Variants in NFASC observed in about 807,000 individuals in gnomAD.
The protein encoded by NFASC is neurofascin homolog.
A neutral mutation model predicts 147.5 loss-of-function variants in NFASC; 43 were observed. The observed-to-expected ratio is 0.29, with a 90% CI of 0.23 to 0.38. NFASC has a LOEUF of 0.38. NFASC is among the 10% of genes least tolerant of loss of function. The pLI is 1.00. For missense variants in NFASC, 1,320 were observed against 1,689.0 expected, an observed-to-expected ratio of 0.78 and a Z score of 3.83; for synonymous variants, 622 against 665.5, an observed-to-expected ratio of 0.93 and a Z score of 1.01.
At position 205,015,438 on chromosome 1, in the gene NFASC, A is replaced by G. The variant is rs1225485801; in HGVS notation, c.3492-870A>G. Among the ~76,000 whole-genome samples, 1 of 152,176 alleles carries G rather than the reference A, an allele frequency of 6.6e-6. No homozygotes were observed. The highest frequency in any genetic ancestry group is 1.9e-4 in the East Asian group (1 of 5,174). On this transcript the variant is annotated intron_variant, in intron 29 of 29. Coordinates refer to ENST00000339876, the MANE Select transcript of NFASC (RefSeq NM_001005388.3). The surrounding 1 kb of genome is among the most constrained non-coding windows in gnomAD (Gnocchi z 4.0). The stretch of plus-strand genomic sequence containing the variant: ...CCAAGGGAAGGGACATGGTGCCTGA[A>G]CAGACGCTGGCTCAGAGAGCAGCCC...
At chr1:205,001,325 C>A in intron 26 of NFASC, 39 bp downstream of exon 26, 1 of 1,366,804 alleles carries the variant, frequency 7.3e-7, no homozygotes, top group Non-Finnish European at 1.0e-6. Flanking sequence ...GCGGCAGCGG[C>A]GTCGGCAGCA....
In NFASC at chr1:204,849,345, A is replaced by G. The variant is rs180679554; in HGVS notation, c.-200+20563A>G. On this transcript the variant is annotated intron_variant, in intron 1 of 29. Coordinates refer to ENST00000339876, the MANE Select transcript of NFASC (RefSeq NM_001005388.3). The stretch of plus-strand genomic sequence containing the variant: ...CCATCATCTCCTTATCCAGGCTGGG[A>G]TAGAAACTGTCAGAGCTTCAAGAGA... Among the ~76,000 whole-genome samples the G allele has an allele frequency of 4.4e-3, 670 of 152,308 alleles. 4 individuals carry two copies. The highest frequency in any genetic ancestry group is 5.7e-3 in the Non-Finnish European group (386 of 68,028).
At chr1:204,924,261 A>T (rs992267585) in intron 2 of NFASC, among the ~76,000 whole-genome samples, 1 of 152,026 alleles carries the variant, frequency 6.6e-6, no homozygotes, top group Non-Finnish European at 1.5e-5. Context: ...ATCCAGACTG[A>T]TGTCTGTATG....
rs147975909 is a variant in NFASC at position 204,859,175 on chromosome 1, G to A, written c.-200+30393G>A. On this transcript the variant is annotated intron_variant, in intron 1 of 29. Coordinates refer to ENST00000339876, the MANE Select transcript of NFASC (RefSeq NM_001005388.3). ...ATAATCTTAGTAGAGACGGGGTTTC[G>A]CCATGTTGGCCAGGCTGGTCTTGAA... Among the ~76,000 whole-genome samples the A allele has an allele frequency of 5.4e-3, 818 of 152,074 alleles. 13 individuals carry two copies. The highest frequency in any genetic ancestry group is 0.019 in the African/African-American group (776 of 41,490).
At chr1:204,847,789 A>G (rs2075308408) in intron 1 of NFASC, among the ~76,000 whole-genome samples, 1 of 152,078 alleles carries the variant, frequency 6.6e-6, no homozygotes, top group Non-Finnish European at 1.5e-5. Flanking sequence ...AGGCCACTTT[A>G]TATTTTACTT....
intron 1 of NFASC, among the ~76,000 whole-genome samples, chr1:204,889,330 C>G (rs2081945776): frequency 1.3e-5 from 2 of 152,200 alleles, no homozygotes; most frequent in African/African-American, 4.8e-5. Flanking sequence ...TCCCAACTTT[C>G]CCAGGATCAG....
intron 20 of NFASC, among the ~76,000 whole-genome samples, chr1:204,980,978 T>C (rs2095499738): frequency 6.6e-6 from 1 of 152,224 alleles, no homozygotes; most frequent in East Asian, 1.9e-4. Flanking sequence ...GACTACATTT[T>C]CCAAACCAAA....
At chr1:204,966,406 G>T (rs12061299) in intron 8 of NFASC, among the ~76,000 whole-genome samples, 5,316 of 152,236 alleles carry the variant, frequency 0.035, 226 homozygotes, top group African/African-American at 0.1. Flanking sequence ...CTCTTCCACA[G>T]AATCCCAGGG....
intron 7 of NFASC, 78 bp downstream of exon 7, chr1:204,955,029 T>C (rs1287804090): frequency 1.3e-6 from 2 of 1,548,338 alleles, no homozygotes; most frequent in Non-Finnish European, 1.8e-6. Flanking sequence ...GGGGAGGGGC[T>C]TGCCCAAGCT....
chr1:204,932,518 T>TA lies in NFASC; in HGVS notation c.-90-11696dup, dbSNP rs558960613. ...ATTGACAGCGTTTGCAAAAGGCATT[T>TA]AAAAAAAAAAAAGAATTTCACAAAG... On this transcript the variant is annotated intron_variant, in intron 2 of 29. Coordinates refer to ENST00000339876, the MANE Select transcript of NFASC (RefSeq NM_001005388.3). Among the ~76,000 whole-genome samples, 49 of 144,400 alleles carry TA rather than the reference T, an allele frequency of 3.4e-4. No homozygotes were observed. In the South Asian group the frequency reaches 3.5e-3, roughly 10 times the overall value. The allele number at this position is 144,400 out of a possible 152,430, so 94.7% of individuals were successfully genotyped here. A position where few individuals can be genotyped will look rare whatever the true frequency, so the allele number is the denominator to read the frequency against.
chr1:204,915,660 A>G (rs1446680716), intron 1 of NFASC, among the ~76,000 whole-genome samples: 1 of 152,218 alleles, frequency 6.6e-6, no homozygotes, highest in Non-Finnish European at 1.5e-5. Flanking sequence ...TGTTTAAGTA[A>G]GAATCCTGAG....
In NFASC at chr1:204,912,472, G is replaced by A. The variant is rs1183604805; in HGVS notation, c.-199-8160G>A. ...GCTACTCAGGGGGGCTGAGGCAGGT[G>A]GATTACCTGAGGCCAAGAGTTCAAG... On this transcript the variant is annotated intron_variant, in intron 1 of 29. Transcript: ENST00000339876. Among the ~76,000 whole-genome samples the A allele has an allele frequency of 2.0e-5, 3 of 151,924 alleles. No homozygotes were observed. In the East Asian group the frequency reaches 5.8e-4, roughly 29 times the overall value.
Position 204,945,544 on chromosome 1 carries a change from TG to T in NFASC, c.91+1140del, listed in dbSNP as rs1277569780. 2.0e-5 allele frequency among the ~76,000 whole-genome samples: 3 copies of T among 152,342 alleles called. No individual in the cohort carries two copies. In the East Asian group the frequency reaches 5.8e-4, roughly 29 times the overall value. On this transcript the variant is annotated intron_variant, in intron 3 of 29. Coordinates refer to ENST00000339876, the MANE Select transcript of NFASC (RefSeq NM_001005388.3). The stretch of plus-strand genomic sequence containing the variant: ...CCCTGCCCCAGAGGAGGGGACTTTT[TG>T]GATGATAGAACACCAGTAGTAACTG...
At chr1:205,002,484 C>CAA (rs1278976869) in intron 26 of NFASC, 112 bp from the exon 27 acceptor site, 1 of 869,368 alleles carries the variant, frequency 1.2e-6, no homozygotes, top group Non-Finnish European at 1.6e-6. Context: ...ACCCGCGGTT[C>CAA]CCTGGTCCCT....
At chr1:204,993,235 T>G (rs2095778151) in intron 24 of NFASC, among the ~76,000 whole-genome samples, 1 of 152,202 alleles carries the variant, frequency 6.6e-6, no homozygotes, top group African/African-American at 2.4e-5. Context: ...CTCATCCACC[T>G]GTATCTGTAG....
chr1:204,937,153 T>TAAA (rs111700110), intron 2 of NFASC, among the ~76,000 whole-genome samples: 24,024 of 147,518 alleles, frequency 0.16, 2,587 homozygotes, highest in African/African-American at 0.32. Flanking sequence ...TTTCTTTCTT[T>TAAA]AAAAAAAAAA....
intron 11 of NFASC, among the ~76,000 whole-genome samples, chr1:204,972,924 G>A (rs2095301080): frequency 6.6e-6 from 1 of 152,236 alleles, no homozygotes; most frequent in Admixed American, 6.5e-5. Context: ...GGAAACTGAA[G>A]CTCACAGAGA....
At chr1:205,002,896 G>A in intron 27 of NFASC, 148 bp downstream of exon 27, 1 of 585,722 alleles carries the variant, frequency 1.7e-6, no homozygotes. Flanking sequence ...CTCTTATTAT[G>A]TATCAGCTGA....
chr1:204,981,097 A>C (rs551607294), intron 20 of NFASC, among the ~76,000 whole-genome samples: 1 of 152,358 alleles, frequency 6.6e-6, no homozygotes, highest in South Asian at 2.1e-4. Flanking sequence ...GCCATGAGTA[A>C]TGGAAACTGG....
Sources: allele counts gnomAD v4.1 joint callset (sites outside exome capture counted in the v4.1 genomes callset), GRCh38; gene constraint gnomAD v4.1.1; non-coding constraint Gnocchi (gnomAD v3.1); transcripts MANE v1.5; gene names NCBI Gene and HGNC (gene_info 2026-07-23, HGNC 2026-07-21).